The following FBN2 variants were observed in gnomAD, a reference collection of about 807,000 sequenced individuals.
The protein encoded by FBN2 is fibrillin 2.
In FBN2, 105 loss-of-function variants were observed where a neutral mutation model predicts 355.6. The ratio of observed to expected loss-of-function variants is 0.30; its 90% CI spans 0.25 to 0.35. FBN2 has a LOEUF of 0.35. Ranked by LOEUF, FBN2 falls within the 10% of genes least tolerant of loss-of-function variation. The pLI, the probability that FBN2 is intolerant of heterozygous loss-of-function variation, is 1.00. For synonymous variants in FBN2, 1,350 were observed against 1,301.2 expected, an observed-to-expected ratio of 1.04 and a Z score of -0.81; for missense variants, 3,280 against 3,758.7, an observed-to-expected ratio of 0.87 and a Z score of 3.33.
At chr5:128,507,339 T>C (rs536449444) in intron 5 of FBN2, among the ~76,000 whole-genome samples, 15 of 152,160 alleles carry the variant, frequency 9.9e-5, no homozygotes, top group East Asian at 3.9e-4. Flanking sequence ...CCGAAATCCA[T>C]AGAGGCTCAA....
chr5:128,289,184 A>C lies in FBN2; in HGVS notation c.6580T>G (p.Phe2194Val). The stretch of plus-strand genomic sequence containing the variant: ...TAGCCCATTGGACATTCACAGCGAA[A>C]AGATCCGTCGGTGTTGATACATTGA... ...NGQCINTDGS[F>V]RCECPMGYNL... Residue 2194 changes from phenylalanine (F) to valine (V), a missense_variant, in exon 52 of 65, where the codon TTT becomes GTT. This residue lies in a region of FBN2 where 2,284 missense variants were observed against 2,749.5 expected (regional missense o/e 0.83). Coordinates refer to ENST00000262464, the MANE Select transcript of FBN2 (RefSeq NM_001999.4). 6.2e-7 allele frequency: 1 copy of C among 1,614,036 alleles called. No homozygotes were observed. The highest frequency in any genetic ancestry group is 2.2e-5 in the East Asian group (1 of 44,884).
chr5:128,527,613 A>G (rs1218467049), intron 4 of FBN2, among the ~76,000 whole-genome samples: 1 of 152,142 alleles, frequency 6.6e-6, no homozygotes, highest in Non-Finnish European at 1.5e-5. Flanking sequence ...AATCTGTGAG[A>G]TGTGTCACAT....
At chr5:128,314,517 C>T (rs928513020) in intron 36 of FBN2, among the ~76,000 whole-genome samples, 1 of 151,982 alleles carries the variant, frequency 6.6e-6, no homozygotes. Context: ...GGGGTTTCAC[C>T]ATGTTGGCCA....
intron 19 of FBN2, among the ~76,000 whole-genome samples, chr5:128,361,307 C>CAATCATTTCATA (rs1751632180): frequency 6.6e-6 from 1 of 152,178 alleles, no homozygotes; most frequent in Non-Finnish European, 1.5e-5. Context: ...TTGGGTATAT[C>CAATCATTTCATA]AATCATTTCA....
At chr5:128,431,452 T>G (rs764599474) in intron 7 of FBN2, among the ~76,000 whole-genome samples, 3 of 152,220 alleles carry the variant, frequency 2.0e-5, no homozygotes, top group Non-Finnish European at 4.4e-5. Flanking sequence ...TTTTTCCATT[T>G]TTAACTAAGT....
intron 5 of FBN2, among the ~76,000 whole-genome samples, chr5:128,501,925 C>T (rs989660955): frequency 1.3e-5 from 2 of 151,972 alleles, no homozygotes; most frequent in Admixed American, 6.6e-5. Context: ...AAAAATGACT[C>T]GAAGACACAA....
intron 6 of FBN2, among the ~76,000 whole-genome samples, chr5:128,457,207 C>T (rs1304802001): frequency 6.6e-6 from 1 of 151,980 alleles, no homozygotes; most frequent in Non-Finnish European, 1.5e-5. Flanking sequence ...ATATCAGAGT[C>T]TTAAGACCAC....
chr5:128,524,672 T>A (rs1373910385), intron 4 of FBN2, among the ~76,000 whole-genome samples: 1 of 152,208 alleles, frequency 6.6e-6, no homozygotes, highest in East Asian at 1.9e-4. Flanking sequence ...TGTAACACTC[T>A]TTCTATATAA....
intron 6 of FBN2, among the ~76,000 whole-genome samples, chr5:128,459,218 C>A (rs1561467429): frequency 6.6e-6 from 1 of 152,092 alleles, no homozygotes; most frequent in Non-Finnish European, 1.5e-5. Context: ...GGATAAATTC[C>A]TGGACACATA....
intron 48 of FBN2, among the ~76,000 whole-genome samples, chr5:128,294,211 C>A (rs1401139579): frequency 6.6e-6 from 1 of 151,958 alleles, no homozygotes; most frequent in African/African-American, 2.4e-5. Context: ...TGTATATGTG[C>A]CACATTTTCT....
intron 5 of FBN2, among the ~76,000 whole-genome samples, chr5:128,498,541 A>G (rs557483160): frequency 6.6e-6 from 1 of 152,316 alleles, no homozygotes; most frequent in East Asian, 1.9e-4. Context: ...ACGACTCTTC[A>G]GACACCACCT....
At chr5:128,422,079 T>C (rs923692812) in intron 7 of FBN2, among the ~76,000 whole-genome samples, 1 of 152,086 alleles carries the variant, frequency 6.6e-6, no homozygotes, top group Admixed American at 6.6e-5. Context: ...TCTCGAAACT[T>C]GAAAAGGCAA....
At chr5:128,312,128 ACTTT>A (rs896061597) in intron 37 of FBN2, among the ~76,000 whole-genome samples, 175 bp from the exon 38 acceptor site, 2 of 152,210 alleles carry the variant, frequency 1.3e-5, no homozygotes, top group Admixed American at 1.3e-4. Context: ...AAAAGATCAT[ACTTT>A]ATTAATCACA....
intron 5 of FBN2, among the ~76,000 whole-genome samples, chr5:128,505,452 A>T (rs1051059509): frequency 2.6e-5 from 4 of 152,220 alleles, no homozygotes; most frequent in Non-Finnish European, 4.4e-5. Context: ...TTCATTGTTC[A>T]ATTTTTTAAC....
chr5:128,514,816 ATTACT>A (rs1001256534), intron 5 of FBN2, among the ~76,000 whole-genome samples: 1 of 152,210 alleles, frequency 6.6e-6, no homozygotes. Context: ...TTATTTCTAA[ATTACT>A]TTATAATAAA....
chr5:128,452,719 C>T (rs1262375224), intron 6 of FBN2, among the ~76,000 whole-genome samples: 1 of 152,004 alleles, frequency 6.6e-6, no homozygotes, highest in Non-Finnish European at 1.5e-5. Context: ...TTACATTGAA[C>T]TTGCTTTTTC....
intron 39 of FBN2, among the ~76,000 whole-genome samples, chr5:128,310,826 G>A (rs773374482): frequency 6.4e-4 from 98 of 152,186 alleles, no homozygotes; most frequent in Admixed American, 1.4e-3. Context: ...TGGTGAGACA[G>A]GCCCCTAAAA....
At chr5:128,318,682 A>G (rs1396148152) in intron 35 of FBN2, among the ~76,000 whole-genome samples, 197 bp downstream of exon 35, 14 of 152,130 alleles carry the variant, frequency 9.2e-5, no homozygotes, top group Admixed American at 8.5e-4. Context: ...TACAGATAAC[A>G]ATTTAATATT....
At chr5:128,308,158 G>T (rs917900463) in intron 41 of FBN2, among the ~76,000 whole-genome samples, 3 of 152,000 alleles carry the variant, frequency 2.0e-5, no homozygotes, top group Non-Finnish European at 4.4e-5. Context: ...TCTGCAGGAG[G>T]TTCCACAATA....
Sources: allele counts gnomAD v4.1 joint callset (sites outside exome capture counted in the v4.1 genomes callset), GRCh38; gene constraint gnomAD v4.1.1; regional missense constraint gnomAD v4.1.1; transcripts MANE v1.5; gene names NCBI Gene and HGNC (gene_info 2026-07-23, HGNC 2026-07-21).